The following ANKRD50 variants were observed in gnomAD, a reference collection of about 807,000 sequenced individuals.
The protein encoded by ANKRD50 is ankyrin repeat domain 50.
ANKRD50 carries 40 observed loss-of-function variants against 112.0 expected under a neutral mutation model. The observed-to-expected ratio is 0.36, with a 90% CI of 0.28 to 0.46. The LOEUF is 0.46. Among genes scored for constraint, ANKRD50 ranks in the 20% least tolerant of loss-of-function variants. The pLI is 1.00. For synonymous variants in ANKRD50, 613 were observed against 619.1 expected (o/e 0.99, Z 0.15); for missense variants, 1,487 against 1,701.7 (o/e 0.87, Z 2.22).
chr4:124,687,783 G>A (rs751696659), intron 2 of ANKRD50, among the ~76,000 whole-genome samples: 4 of 152,162 alleles, frequency 2.6e-5, no homozygotes, highest in Non-Finnish European at 4.4e-5. Context: ...TCAGTCATTA[G>A]AGAAGTTCAA....
intron 2 of ANKRD50, among the ~76,000 whole-genome samples, chr4:124,690,960 C>T (rs1047950988): frequency 3.3e-5 from 5 of 152,072 alleles, no homozygotes; most frequent in African/African-American, 7.2e-5. Flanking sequence ...TATAGGCATA[C>T]ATTAACTCAA....
At chr4:124,673,288 T>C (rs1366444701) in intron 3 of ANKRD50, among the ~76,000 whole-genome samples, 1 of 152,108 alleles carries the variant, frequency 6.6e-6, no homozygotes, top group Non-Finnish European at 1.5e-5. Context: ...CATCATGATA[T>C]ACAGATATGA....
chr4:124,711,789 T>C (rs1578599701), intron 1 of ANKRD50, among the ~76,000 whole-genome samples: 1 of 148,858 alleles, frequency 6.7e-6, no homozygotes, highest in Middle Eastern at 3.5e-3. Flanking sequence ...CGATGGGGGA[T>C]GACTGTTCTT....
At chr4:124,697,027 C>G (rs10518439) in intron 2 of ANKRD50, among the ~76,000 whole-genome samples, 8,372 of 152,144 alleles carry the variant, frequency 0.055, 290 homozygotes, top group East Asian at 0.14. Context: ...TGCACTGGTA[C>G]TTACAGGTTT....
At chr4:124,686,845 T>C (rs192670475) in intron 2 of ANKRD50, among the ~76,000 whole-genome samples, 1 of 152,118 alleles carries the variant, frequency 6.6e-6, no homozygotes, top group Admixed American at 6.5e-5. Flanking sequence ...AGGTCAGAGG[T>C]GCACTGAGGG....
chr4:124,685,751 T>C (rs1056989735), intron 2 of ANKRD50, among the ~76,000 whole-genome samples: 1 of 152,124 alleles, frequency 6.6e-6, no homozygotes, highest in Non-Finnish European at 1.5e-5. Context: ...TTTATTACAT[T>C]CTTAATTTTT....
At position 124,671,911 on chromosome 4, in the gene ANKRD50, C is replaced by A; in HGVS notation, c.1366G>T (p.Ala456Ser). 1 of 1,613,834 alleles carries A rather than the reference C, an allele frequency of 6.2e-7. No individual in the cohort carries two copies. Among genetic ancestry groups the A allele is most frequent in the Non-Finnish European group, 8.5e-7 (1 of 1,179,880 alleles). ...NLTPLEAQEFALHLINSNLQL... is the reference protein window; with the variant it reads ...NLTPLEAQEFSLHLINSNLQL... Reference sequence around the variant, plus strand: ...AAGTTTGAGTTAATTAAGTGCAATGCAAATTCTTGTGCTTCCAATGGTGTT... The same window carrying A: ...AAGTTTGAGTTAATTAAGTGCAATGAAAATTCTTGTGCTTCCAATGGTGTT... Residue 456 changes from alanine (A) to serine (S), a missense_variant, in exon 4 of 5, where the codon GCA becomes TCA. Physicochemically the swap from Ala to Ser is moderately conservative, Grantham distance 99. This residue lies in a region of ANKRD50 where 1,046 missense variants were observed against 1,269.5 expected (regional missense o/e 0.82). Coordinates refer to ENST00000504087, the MANE Select transcript of ANKRD50 (RefSeq NM_020337.3).
In ANKRD50 at chr4:124,672,105, A is replaced by G; in HGVS notation, c.1172T>C (p.Ile391Thr). ...TLEDFQRKLD[I>T]LSKLLVDGLG... ...TCCATCAACAAGAAGTTTGGAGAGG[A>G]TATCTAACTTGCGTTGAAAATCTTC... Residue 391 changes from isoleucine (I) to threonine (T), a missense_variant, in exon 4 of 5, where the codon ATC becomes ACC. Transcript: ENST00000504087. The G allele has an allele frequency of 1.2e-6, 2 of 1,613,888 alleles. No homozygotes were observed. Among genetic ancestry groups the G allele is most frequent in the African/African-American group, 1.3e-5 (1 of 75,012 alleles).
intron 2 of ANKRD50, among the ~76,000 whole-genome samples, chr4:124,701,730 T>C (rs1172496047): frequency 1.3e-5 from 2 of 152,054 alleles, no homozygotes; most frequent in Non-Finnish European, 2.9e-5. Context: ...TCTCACTGTG[T>C]TGCCAGGCTG....
chr4:124,671,086 C>T lies in ANKRD50; in HGVS notation c.2191G>A (p.Val731Ile), dbSNP rs761982474. 2.5e-6 allele frequency: 4 copies of T among 1,613,694 alleles called. No homozygotes were observed. The highest frequency in any genetic ancestry group is 3.4e-6 in the Non-Finnish European group (4 of 1,179,858). The change falls in exon 4 of 5, where the codon GTT becomes ATT. Residue 731 changes from valine (V) to isoleucine (I), a missense_variant. Val to Ile is a conservative substitution (Grantham distance 29). Coordinates refer to ENST00000504087, the MANE Select transcript of ANKRD50 (RefSeq NM_020337.3). The part of the protein sequence containing the change: ...VPASKGHASV[V>I]SLLIDRGAEV... ...GCACCTCGATCAATTAAAAGGCTAACAACTGATGCGTGCCCTTTACTTGCA... is the reference window on the plus strand; with the variant it reads ...GCACCTCGATCAATTAAAAGGCTAATAACTGATGCGTGCCCTTTACTTGCA...
At chr4:124,682,747 T>A (rs921023932) in intron 2 of ANKRD50, among the ~76,000 whole-genome samples, 5 of 151,482 alleles carry the variant, frequency 3.3e-5, no homozygotes, top group Admixed American at 6.6e-5. Flanking sequence ...TAATTTTTTT[T>A]ATATTTAAGC....
Position 124,711,063 on chromosome 4 carries a change from C to T in ANKRD50, c.-552G>A. 1 of 282,096 alleles carries T rather than the reference C, an allele frequency of 3.5e-6. No homozygotes were observed. Among genetic ancestry groups the T allele is most frequent in the South Asian group, 1.6e-4 (1 of 6,086 alleles). The allele number at this position is 282,096 out of a possible 1,614,324, so 17.5% of individuals were successfully genotyped here. On this transcript the variant is annotated 5_prime_UTR_variant, in exon 2 of 5. An upstream open reading frame in the 5' UTR loses its in-frame stop. Transcript: ENST00000504087. ...GTTGAAGGATGATCACTCAAGAGTACTAGATCGTGCCAGTTTCAGGCATCT... is the reference window on the plus strand; with the variant it reads ...GTTGAAGGATGATCACTCAAGAGTATTAGATCGTGCCAGTTTCAGGCATCT...
chr4:124,684,745 A>C, intron 2 of ANKRD50, among the ~76,000 whole-genome samples: 1 of 152,216 alleles, frequency 6.6e-6, no homozygotes, highest in East Asian at 1.9e-4. Flanking sequence ...AGAGCTTTTC[A>C]TTCACTTTCT....
rs1284301853 is a variant in ANKRD50, at chr4:124,710,220, T to C, written c.292A>G (p.Ser98Gly). 1.2e-6 allele frequency: 2 copies of C among 1,614,078 alleles called. No homozygotes were observed. The highest frequency in any genetic ancestry group is 1.7e-6 in the Non-Finnish European group (2 of 1,180,040). ...TGGCGATGTAAACCTCTCTGCAAAC[T>C]TGCAGGTGAACTTGGCCATAAGAGT... Reference protein sequence around the residue: ...TELLWPSSPASLQRGLHRQAL... With the variant: ...TELLWPSSPAGLQRGLHRQAL... The change falls in exon 2 of 5, where the codon AGT (serine) becomes GGT (glycine). Residue 98 changes from serine to glycine, a missense_variant. Coordinates refer to ENST00000504087, the MANE Select transcript of ANKRD50 (RefSeq NM_020337.3).
At chr4:124,708,691 T>TACACACACACAC (rs10558584) in intron 2 of ANKRD50, among the ~76,000 whole-genome samples, 2 of 145,582 alleles carry the variant, frequency 1.4e-5, no homozygotes, top group Non-Finnish European at 3.0e-5. Flanking sequence ...TACTAACACA[T>TACACACACACAC]ACACACACAC....
At chr4:124,675,846 A>C (rs1388758363) in intron 3 of ANKRD50, among the ~76,000 whole-genome samples, 1 of 151,774 alleles carries the variant, frequency 6.6e-6, no homozygotes, top group Non-Finnish European at 1.5e-5. Context: ...TGTAGTCAAA[A>C]TTGTGCTTAG....
intron 3 of ANKRD50, among the ~76,000 whole-genome samples, chr4:124,672,997 G>A (rs1730696826): frequency 6.6e-6 from 1 of 151,982 alleles, no homozygotes; most frequent in Non-Finnish European, 1.5e-5. Flanking sequence ...CCTTAATTAT[G>A]TGACTGAATA....
In ANKRD50 at chr4:124,693,270, T is replaced by C. The variant is rs570663117; in HGVS notation, c.513-14365A>G. Among the ~76,000 whole-genome samples the C allele has an allele frequency of 2.0e-5, 3 of 152,316 alleles. No homozygotes were observed. The South Asian group carries it at 6.2e-4, about 32-fold the overall frequency. On this transcript the variant is annotated intron_variant, in intron 2 of 4. Coordinates refer to ENST00000504087, the MANE Select transcript of ANKRD50 (RefSeq NM_020337.3). ...ATTGTAACTTTTAAGGTCTTGTAAC[T>C]GAATATGCTACTTTTCAAATTTCAC...
rs1730450595 is a variant in ANKRD50 at position 124,664,793 on chromosome 4, G to A, written c.*2725C>T. 1 of 151,858 alleles carries A rather than the reference G, an allele frequency of 6.6e-6. No individual in the cohort carries two copies. Among genetic ancestry groups the A allele is most frequent in the South Asian group, 2.1e-4 (1 of 4,828 alleles). The allele number at this position is 151,858 out of a possible 1,614,324, so 9.4% of individuals were successfully genotyped here. A position where few individuals can be genotyped will look rare whatever the true frequency, so the allele number is the denominator to read the frequency against. On this transcript the variant is annotated 3_prime_UTR_variant, in exon 5 of 5. Coordinates refer to ENST00000504087, the MANE Select transcript of ANKRD50 (RefSeq NM_020337.3). ...TTGGTGAGAATTCCAGTGAGGGTGGGGGTGAAAACAAAGAACAAAAATTAT... is the reference window on the plus strand; with the variant it reads ...TTGGTGAGAATTCCAGTGAGGGTGGAGGTGAAAACAAAGAACAAAAATTAT...
Sources: allele counts gnomAD v4.1 joint callset (sites outside exome capture counted in the v4.1 genomes callset), GRCh38; gene constraint gnomAD v4.1.1; regional missense constraint gnomAD v4.1.1; transcripts MANE v1.5; gene names NCBI Gene and HGNC (gene_info 2026-07-23, HGNC 2026-07-21).